Variants in NOS1AP observed in about 807,000 individuals in gnomAD.
NOS1AP encodes the protein nitric oxide synthase 1 adaptor protein.
NOS1AP carries 21 observed loss-of-function variants against 56.2 expected under a neutral mutation model. The ratio of observed to expected loss-of-function variants is 0.37; its 90% CI spans 0.26 to 0.54. NOS1AP has a LOEUF of 0.54. Among genes scored for constraint, NOS1AP ranks in the 20% least tolerant of loss-of-function variants. NOS1AP has a pLI of 0.84. For missense variants in NOS1AP, 522 were observed against 657.8 expected (o/e 0.79, Z 2.26); for synonymous variants, 270 against 274.6 (o/e 0.98, Z 0.17).
intron 4 of NOS1AP, among the ~76,000 whole-genome samples, chr1:162,311,739 C>A (rs1362389191): frequency 7.0e-6 from 1 of 142,706 alleles, no homozygotes; most frequent in African/African-American, 2.6e-5. Context: ...CCCCTCCCCC[C>A]ACCCCACAAC....
intron 4 of NOS1AP, among the ~76,000 whole-genome samples, chr1:162,302,124 G>GT (rs548431100): frequency 4.5e-4 from 69 of 152,210 alleles, no homozygotes; most frequent in African/African-American, 1.6e-3. Flanking sequence ...ACTGTTTAAT[G>GT]TTTTTTTGAA....
chr1:162,304,077 G>A (rs1429987734), intron 4 of NOS1AP, among the ~76,000 whole-genome samples: 2 of 152,022 alleles, frequency 1.3e-5, no homozygotes, highest in Non-Finnish European at 2.9e-5. Flanking sequence ...TTCTTCTAAA[G>A]CATGAAGTTT....
chr1:162,270,821 A>G (rs1654560861), intron 2 of NOS1AP, among the ~76,000 whole-genome samples: 1 of 152,206 alleles, frequency 6.6e-6, no homozygotes, highest in South Asian at 2.1e-4. Context: ...TGAGGACTGT[A>G]GCTTCTGTGG....
rs1359281293 is a variant in NOS1AP, at chr1:162,368,290, C to G, written c.*823C>G. The G allele has an allele frequency of 6.6e-6, 1 of 152,232 alleles. No homozygotes were observed. The highest frequency in any genetic ancestry group is 1.5e-5 in the Non-Finnish European group (1 of 68,144). 9.4% of individuals were successfully genotyped at this position (152,232 alleles called of 1,614,324 possible). A position where few individuals can be genotyped will look rare whatever the true frequency, so the allele number is the denominator to read the frequency against. ...GTAGCCCAGCCCATCTAAATGGAAG[C>G]TGGGAATTGCCCCTCACCTCCCCTG... On this transcript the variant is annotated 3_prime_UTR_variant, in exon 10 of 10. Coordinates refer to ENST00000361897, the MANE Select transcript of NOS1AP (RefSeq NM_014697.3).
At chr1:162,279,972 G>A (rs2101729081) in intron 2 of NOS1AP, among the ~76,000 whole-genome samples, 1 of 152,202 alleles carries the variant, frequency 6.6e-6, no homozygotes, top group East Asian at 1.9e-4. Context: ...GTCAACCCTG[G>A]TGGCCTCAAA....
At chr1:162,209,193 T>C (rs1272700752) in intron 2 of NOS1AP, among the ~76,000 whole-genome samples, 6 of 152,220 alleles carry the variant, frequency 3.9e-5, no homozygotes, top group Admixed American at 3.9e-4. Flanking sequence ...TGTTTCCCAA[T>C]TTGCTGGGGA....
chr1:162,250,110 G>A (rs543099556), intron 2 of NOS1AP, among the ~76,000 whole-genome samples: 2 of 152,302 alleles, frequency 1.3e-5, no homozygotes, highest in East Asian at 1.9e-4. Flanking sequence ...TAGCCAAGGA[G>A]TGCTCTCCCA....
intron 2 of NOS1AP, among the ~76,000 whole-genome samples, chr1:162,170,039 C>A (rs1650688995): frequency 6.6e-6 from 1 of 152,202 alleles, no homozygotes; most frequent in Non-Finnish European, 1.5e-5. Flanking sequence ...ACCTATAGTG[C>A]ACCCCTTTGA....
At chr1:162,144,596 A>G (rs1302289523) in intron 1 of NOS1AP, among the ~76,000 whole-genome samples, 1 of 139,758 alleles carries the variant, frequency 7.2e-6, no homozygotes, top group East Asian at 2.4e-4. Context: ...TCTTTTCCCT[A>G]GGAGAAAATA....
chr1:162,268,342 A>T (rs75380209), intron 2 of NOS1AP, among the ~76,000 whole-genome samples: 2 of 151,608 alleles, frequency 1.3e-5, no homozygotes, highest in African/African-American at 4.9e-5. Context: ...AATATTTATT[A>T]TAAGAGTTTT....
intron 8 of NOS1AP, among the ~76,000 whole-genome samples, chr1:162,359,565 C>T (rs1340258863): frequency 6.6e-6 from 1 of 152,184 alleles, no homozygotes; most frequent in African/African-American, 2.4e-5. Context: ...CTTCCACTTT[C>T]TTTGTAGTGT....
In NOS1AP at chr1:162,314,934, A is replaced by G. The variant is rs570873534; in HGVS notation, c.344+14228A>G. Among the ~76,000 whole-genome samples, 6 of 152,340 alleles carry G rather than the reference A, an allele frequency of 3.9e-5. No homozygotes were observed. In the East Asian group the frequency reaches 7.7e-4, roughly 20 times the overall value. On this transcript the variant is annotated intron_variant, in intron 4 of 9. Coordinates refer to ENST00000361897, the MANE Select transcript of NOS1AP (RefSeq NM_014697.3). ...GAGGAGAAAAAAACAAACCAATCTA[A>G]CTTTATTAATGATTTAATGTTTGAA...
chr1:162,079,792 A>G (rs932569713), intron 1 of NOS1AP, among the ~76,000 whole-genome samples: 1 of 152,190 alleles, frequency 6.6e-6, no homozygotes, highest in East Asian at 1.9e-4. Context: ...CTGTTCTTTT[A>G]TAAGTCAGAG....
chr1:162,366,832 T>A, intron 9 of NOS1AP: 1 of 626,932 alleles, frequency 1.6e-6, no homozygotes, highest in Non-Finnish European at 2.9e-6. Flanking sequence ...TGTCCCCGCC[T>A]TTACCACGTC....
At chr1:162,349,627 AT>A (rs899582532) in intron 6 of NOS1AP, among the ~76,000 whole-genome samples, 28 of 152,242 alleles carry the variant, frequency 1.8e-4, no homozygotes, top group Non-Finnish European at 3.2e-4. Context: ...AATGCCTAGC[AT>A]ATAATATGCT....
chr1:162,177,974 T>C (rs1393443507), intron 2 of NOS1AP, among the ~76,000 whole-genome samples: 1 of 152,232 alleles, frequency 6.6e-6, no homozygotes, highest in Non-Finnish European at 1.5e-5. Context: ...TTCACTGCCA[T>C]AAAAATCCTC....
At position 162,367,861 on chromosome 1, in the gene NOS1AP, C is replaced by T. The variant is rs369312021; in HGVS notation, c.*394C>T. 83 of 196,728 alleles carry T rather than the reference C, an allele frequency of 4.2e-4. No individual in the cohort carries two copies. The highest frequency in any genetic ancestry group is 1.6e-3 in the African/African-American group (71 of 43,132). The allele number at this position is 196,728 out of a possible 1,614,324, so 12.2% of individuals were successfully genotyped here. A position where few individuals can be genotyped will look rare whatever the true frequency, so the allele number is the denominator to read the frequency against. Reference sequence around the variant, plus strand: ...CTCACTCTCCCCGTCTCCATGGTCCCGACCAGGAAGGGAAGCCATCGGTAC... The same window carrying T: ...CTCACTCTCCCCGTCTCCATGGTCCTGACCAGGAAGGGAAGCCATCGGTAC... On this transcript the variant is annotated 3_prime_UTR_variant, in exon 10 of 10. Transcript: ENST00000361897. This position sits in a 1 kb window ranked among gnomAD's most constrained non-coding sequence, Gnocchi z 6.5.
At chr1:162,324,851 C>G (rs1345830111) in intron 4 of NOS1AP, among the ~76,000 whole-genome samples, 2 of 152,190 alleles carry the variant, frequency 1.3e-5, no homozygotes, top group Admixed American at 1.3e-4. Flanking sequence ...GACTGTCTCT[C>G]GAGGTCTCTC....
At chr1:162,264,313 C>T (rs1654329731) in intron 2 of NOS1AP, among the ~76,000 whole-genome samples, 1 of 152,018 alleles carries the variant, frequency 6.6e-6, no homozygotes, top group African/African-American at 2.4e-5. Context: ...TTTTCAGTTC[C>T]TTTGTAGCCT....
Sources: gnomAD v4.1 joint callset for allele counts (sites outside exome capture counted in the v4.1 genomes callset) on GRCh38, gnomAD v4.1.1 for gene constraint, Gnocchi (gnomAD v3.1) non-coding constraint, MANE v1.5 for transcripts, NCBI Gene and HGNC (gene_info 2026-07-23, HGNC 2026-07-21) for gene names.